Variants in AMD1 observed in about 807,000 individuals in gnomAD.
The protein encoded by AMD1 is S-adenosylmethionine decarboxylase proenzyme.
In AMD1, 11 loss-of-function variants were observed where a neutral mutation model predicts 40.2. The ratio of observed to expected loss-of-function variants is 0.27; its 90% CI spans 0.17 to 0.45. The LOEUF is 0.45. Among genes scored for constraint, AMD1 ranks in the 20% least tolerant of loss-of-function variants. The pLI is 1.00. For synonymous variants in AMD1, 121 were observed against 130.8 expected (o/e 0.93, Z 0.51); for missense variants, 257 against 410.2 (o/e 0.63, Z 3.23).
At position 110,892,730 on chromosome 6, in the gene AMD1, C is replaced by CCCA; in HGVS notation, c.616-4_616-2dup. 1 of 1,612,024 alleles carries CCCA rather than the reference C, an allele frequency of 6.2e-7. No individual in the cohort carries two copies. The highest frequency in any genetic ancestry group is 1.1e-5 in the South Asian group (1 of 91,008). On this transcript the variant is annotated splice_region_variant and splice_polypyrimidine_tract_variant and intron_variant, in intron 6 of 8. Coordinates refer to ENST00000368885, the MANE Select transcript of AMD1 (RefSeq NM_001634.6). ...TTGTTAAACTCGGTCTTTTTCCCCC[C>CCCA]CCAGGAGAGTGGAATTCGTGACCTG...
chr6:110,866,263 T>C, the AMD1 span, among the ~76,000 whole-genome samples: 1 of 152,214 alleles, frequency 6.6e-6, no homozygotes, highest in Admixed American at 6.5e-5. Flanking sequence ...ATAATGGAAA[T>C]GTAATATAAA....
At chr6:110,874,776 A>G (rs931209259), upstream of AMD1, 8 of 197,782 alleles carry the variant, frequency 4.0e-5, no homozygotes, top group African/African-American at 7.0e-5. Context: ...GTGCTCACGC[A>G]GCGCTCTCGC....
the AMD1 span, among the ~76,000 whole-genome samples, chr6:110,819,913 T>A: frequency 3.3e-5 from 5 of 152,304 alleles, no homozygotes; most frequent in East Asian, 9.6e-4. Context: ...ATATGTTAGT[T>A]ATAATGCATT....
chr6:110,869,043 G>C, the AMD1 span, among the ~76,000 whole-genome samples: 3 of 149,758 alleles, frequency 2.0e-5, no homozygotes, highest in Admixed American at 2.0e-4. Flanking sequence ...TGGGCAATAA[G>C]AGCGAAACTC....
At chr6:110,844,858 C>A in the AMD1 span, among the ~76,000 whole-genome samples, 1 of 151,966 alleles carries the variant, frequency 6.6e-6, no homozygotes, top group African/African-American at 2.4e-5. Flanking sequence ...AAAGATGTTT[C>A]ATTGTCTCAA....
At chr6:110,821,508 G>A in the AMD1 span, among the ~76,000 whole-genome samples, 1 of 152,098 alleles carries the variant, frequency 6.6e-6, no homozygotes, top group Admixed American at 6.6e-5. Context: ...CAGCTACTTG[G>A]GAGGCTGAGG....
At chr6:110,848,037 C>T in the AMD1 span, among the ~76,000 whole-genome samples, 1 of 151,848 alleles carries the variant, frequency 6.6e-6, no homozygotes, top group Non-Finnish European at 1.5e-5. Context: ...CTAGCCACAC[C>T]TAAATTAGTT....
At chr6:110,827,329 A>C in the AMD1 span, among the ~76,000 whole-genome samples, 2 of 150,068 alleles carry the variant, frequency 1.3e-5, no homozygotes. Context: ...TTGTTTTTTA[A>C]GGTGGGTTTC....
chr6:110,870,349 G>A (rs1784891630), upstream of AMD1, among the ~76,000 whole-genome samples: 1 of 152,220 alleles, frequency 6.6e-6, no homozygotes, highest in Non-Finnish European at 1.5e-5. Flanking sequence ...CTAAGGCCAG[G>A]TGTGGTGGCT....
intron 1 of AMD1, among the ~76,000 whole-genome samples, chr6:110,877,558 A>G (rs377378171): frequency 6.6e-6 from 1 of 152,278 alleles, no homozygotes; most frequent in Non-Finnish European, 1.5e-5. Context: ...GATTAAGTGC[A>G]TAGCCTCTGG....
the AMD1 span, among the ~76,000 whole-genome samples, chr6:110,859,601 G>A: frequency 6.6e-6 from 1 of 152,166 alleles, no homozygotes; most frequent in African/African-American, 2.4e-5. Context: ...CGGGGACAGT[G>A]GAGAGGGTGC....
At chr6:110,817,000 C>T in the AMD1 span, among the ~76,000 whole-genome samples, 21 of 152,182 alleles carry the variant, frequency 1.4e-4, no homozygotes, top group Non-Finnish European at 2.9e-4. Flanking sequence ...AACTTTTTCT[C>T]CTGTTAACCT....
At chr6:110,844,976 GGA>G in the AMD1 span, among the ~76,000 whole-genome samples, 6 of 150,052 alleles carry the variant, frequency 4.0e-5, no homozygotes, top group Non-Finnish European at 4.4e-5. Context: ...CAAATCACAT[GGA>G]GAGAGAGAGA....
the AMD1 span, among the ~76,000 whole-genome samples, chr6:110,850,410 A>G: frequency 6.6e-6 from 1 of 152,148 alleles, no homozygotes; most frequent in Non-Finnish European, 1.5e-5. Context: ...GAACTCCTTC[A>G]CTGTCTCAGA....
chr6:110,892,724 TCC>T lies in AMD1; in HGVS notation c.616-4_616-3del. ...AAACCCTTGTTAAACTCGGTCTTTT[TCC>T]CCCCCCAGGAGAGTGGAATTCGTGA... On this transcript the variant is annotated splice_polypyrimidine_tract_variant and intron_variant, in intron 6 of 8. Transcript: ENST00000368885. 6.5e-7 allele frequency: 1 copy of T among 1,541,132 alleles called. No homozygotes were observed. The highest frequency in any genetic ancestry group is 8.9e-7 in the Non-Finnish European group (1 of 1,125,322).
chr6:110,856,900 A>C, the AMD1 span, among the ~76,000 whole-genome samples: 1 of 152,196 alleles, frequency 6.6e-6, no homozygotes, highest in Non-Finnish European at 1.5e-5. Flanking sequence ...ACAGTGGCTC[A>C]CGTCTGTAAT....
At chr6:110,833,960 C>T in the AMD1 span, among the ~76,000 whole-genome samples, 1 of 152,034 alleles carries the variant, frequency 6.6e-6, no homozygotes. Context: ...TGAGGAAAAA[C>T]AATTTTTTTT....
rs1346365221 is a variant in AMD1 at position 110,875,045 on chromosome 6, G to A, written c.-61G>A. 5.9e-6 allele frequency: 8 copies of A among 1,347,868 alleles called. No individual in the cohort carries two copies. The highest frequency in any genetic ancestry group is 8.3e-6 in the Non-Finnish European group (8 of 964,074). 83.5% of individuals were successfully genotyped at this position (1,347,868 alleles called of 1,614,324 possible). A position where few individuals can be genotyped will look rare whatever the true frequency, so the allele number is the denominator to read the frequency against. On this transcript the variant is annotated 5_prime_UTR_variant, in exon 1 of 9. Transcript: ENST00000368885. Reference sequence around the variant, plus strand: ...TCCGCAGCGGCGGCGGCAGCGGCGGGAGAAGAGGTTTAATTTAGTTGATTT... The same window carrying A: ...TCCGCAGCGGCGGCGGCAGCGGCGGAAGAAGAGGTTTAATTTAGTTGATTT...
the AMD1 span, among the ~76,000 whole-genome samples, chr6:110,824,266 T>C: frequency 1.3e-5 from 2 of 152,172 alleles, no homozygotes; most frequent in East Asian, 3.8e-4. Context: ...ATACTGTCTT[T>C]TGAGGAACTT....
Sources: gnomAD v4.1 joint callset for allele counts (sites outside exome capture counted in the v4.1 genomes callset) on GRCh38, gnomAD v4.1.1 for gene constraint, MANE v1.5 for transcripts, NCBI Gene and HGNC (gene_info 2026-07-23, HGNC 2026-07-21) for gene names.